The following APTX variants were observed in gnomAD, a reference collection of about 807,000 sequenced individuals.
The protein encoded by APTX is aprataxin, also known as forkhead-associated domain histidine triad-like protein.
APTX carries 33 observed loss-of-function variants against 42.3 expected under a neutral mutation model. That is an observed-to-expected ratio of 0.78 (90% CI 0.59 to 1.04). The LOEUF is 1.04. Ranked by LOEUF, APTX falls within the 50% of genes least tolerant of loss-of-function variation. The pLI, the probability that APTX is intolerant of heterozygous loss-of-function variation, is 0.00. For synonymous variants in APTX, 130 were observed against 146.7 expected, an observed-to-expected ratio of 0.89 and a Z score of 0.82; for missense variants, 421 against 415.1, an observed-to-expected ratio of 1.01 and a Z score of -0.12.
At chr9:33,004,629 C>CGTT (rs1563998723), upstream of APTX, among the ~76,000 whole-genome samples, 1 of 140,934 alleles carries the variant, frequency 7.1e-6, no homozygotes, top group African/African-American at 2.6e-5. Context: ...TCTTGCCAAC[C>CGTT]CTTTTTTTTT....
At chr9:33,019,542 G>C (rs533209896) in intron 1 of APTX, 24 of 328,668 alleles carry the variant, frequency 7.3e-5, no homozygotes, top group African/African-American at 4.7e-4. Context: ...AAGAACCAGA[G>C]AAAACAAGGG....
intron 1 of APTX, among the ~76,000 whole-genome samples, chr9:32,994,351 ATCTCAAGTCCCTC>A (rs1563980331): frequency 1.3e-5 from 2 of 152,122 alleles, no homozygotes; most frequent in Non-Finnish European, 2.9e-5. Context: ...GCCCTGATCC[ATCTCAAGTCCCTC>A]AGGCCTGAAG....
intron 1 of APTX, chr9:33,024,978 G>A (rs1038914676): frequency 2.4e-4 from 37 of 152,522 alleles, no homozygotes; most frequent in African/African-American, 8.4e-4. Context: ...CACCCCACAG[G>A]TTTGGGAACC....
chr9:32,992,196 A>G (rs17226410), intron 1 of APTX, among the ~76,000 whole-genome samples: 10,808 of 152,254 alleles, frequency 0.071, 514 homozygotes, highest in Non-Finnish European at 0.11. Flanking sequence ...AAGGCAGCAC[A>G]TATGCCCTCT....
chr9:33,015,650 C>T (rs559140218), intron 1 of APTX, among the ~76,000 whole-genome samples: 51 of 152,346 alleles, frequency 3.3e-4, no homozygotes, highest in Middle Eastern at 3.4e-3. Context: ...AGCCACCACG[C>T]CCGGCCTGTA....
chr9:32,978,051 T>A (rs2118435921), intron 6 of APTX, among the ~76,000 whole-genome samples: 1 of 152,302 alleles, frequency 6.6e-6, no homozygotes, highest in African/African-American at 2.4e-5. Flanking sequence ...GCATAACAAA[T>A]TTATTTAATC....
intron 1 of APTX, among the ~76,000 whole-genome samples, chr9:33,016,394 G>A (rs949736563): frequency 1.3e-5 from 2 of 152,198 alleles, no homozygotes; most frequent in East Asian, 3.9e-4. Context: ...TCAAGAAATA[G>A]GTCAGGATCT....
upstream of APTX, chr9:33,001,651 C>G (rs531225627): frequency 1.5e-4 from 241 of 1,610,708 alleles, no homozygotes; most frequent in Non-Finnish European, 1.9e-4. Context: ...CAGAGGCCGG[C>G]TGTATCGCGA....
intron 1 of APTX, among the ~76,000 whole-genome samples, chr9:33,023,072 G>A (rs1838522200): frequency 6.6e-6 from 1 of 152,092 alleles, no homozygotes; most frequent in African/African-American, 2.4e-5. Context: ...CAAGGGATCC[G>A]CCTGCCTTGG....
rs1284870793 is a variant in APTX, at chr9:32,973,617, T to C, written c.910A>G (p.Thr304Ala). ...AGCTCAGGCATCCCATCTCGGACAG[T>C]TACTCTACCAGCCTCTTGTACCATC... ...IEMVQEAGRV[T>A]VRDGMPELLK... The change falls in exon 8 of 8, where the codon ACT becomes GCT. Residue 304 changes from threonine to alanine, a missense_variant. Thr to Ala is a moderately conservative substitution (Grantham distance 58). Transcript: ENST00000379817. The C allele has an allele frequency of 1.9e-6, 3 of 1,613,468 alleles. No individual in the cohort carries two copies. The East Asian group carries it at 6.7e-5, about 36-fold the overall frequency.
chr9:32,988,686 G>GAAA (rs201425898), intron 2 of APTX, among the ~76,000 whole-genome samples: 2 of 70,866 alleles, frequency 2.8e-5, no homozygotes, highest in African/African-American at 5.8e-5. Flanking sequence ...ATCTCAGGAG[G>GAAA]AAAAAAAAAA....
intron 4 of APTX, chr9:32,986,231 G>C (rs1832095280): frequency 4.3e-6 from 3 of 703,358 alleles, no homozygotes; most frequent in Non-Finnish European, 7.7e-6. Context: ...CTTTTTTTTT[G>C]AGACAAAGTC....
At chr9:32,989,933 T>C (rs1266988082) in intron 1 of APTX, 38 bp from the exon 2 acceptor site, 1 of 1,598,442 alleles carries the variant, frequency 6.3e-7, no homozygotes, top group African/African-American at 1.3e-5. Context: ...GAAAAACAGA[T>C]CCACTAGCAC....
chr9:33,016,799 G>A (rs944808285), intron 1 of APTX, among the ~76,000 whole-genome samples: 3 of 152,132 alleles, frequency 2.0e-5, no homozygotes, highest in Non-Finnish European at 2.9e-5. Flanking sequence ...GGGCAGCCCA[G>A]GCAGGCAGAA....
chr9:33,017,460 T>C (rs1425095358), intron 1 of APTX, among the ~76,000 whole-genome samples: 1 of 144,808 alleles, frequency 6.9e-6, no homozygotes, highest in Non-Finnish European at 1.6e-5. Context: ...CAGAAGGGAC[T>C]CACAAGCTCT....
At position 32,987,604 on chromosome 9, in the gene APTX, C is replaced by T. The variant is rs766312381; in HGVS notation, c.423G>A (p.Gly141=). 8.7e-6 allele frequency: 14 copies of T among 1,614,172 alleles called. No homozygotes were observed. The South Asian group carries it at 1.5e-4, about 18-fold the overall frequency. The part of the protein sequence containing the change: ...EAEAGTGLEP[G]SNSGQCSVPL... ...GCACAGAGCATTGGCCAGAGTTGCT[C>T]CCAGGTTCCAGCCCTGTCCCAGCCT... Residue 141 remains glycine, a synonymous_variant, in exon 4 of 8, where the codon GGG becomes GGA. Coordinates refer to ENST00000379817, the MANE Select transcript of APTX (RefSeq NM_001195248.2).
rs771925873 is a variant in APTX, at chr9:32,986,035, AAAAAAAACAAAAAAAAAAAC to A, written c.484-25_484-6del. The A allele has an allele frequency of 0.057, 47,060 of 820,262 alleles. 150 individuals carry two copies. The highest frequency in any genetic ancestry group is 0.067 in the Non-Finnish European group (39,752 of 591,084). The allele number at this position is 820,262 out of a possible 1,614,324, so 50.8% of individuals were successfully genotyped here. ...ACTCCAGTGGCCCAGGGATTCCTAA[AAAAAAAACAAAAAAAAAAAC>A]AAAAAAAAAAAAAAACAAGCAATGT... On this transcript the variant is annotated splice_polypyrimidine_tract_variant and splice_region_variant and intron_variant, in intron 4 of 7. Coordinates refer to ENST00000379817, the MANE Select transcript of APTX (RefSeq NM_001195248.2).
intron 1 of APTX, among the ~76,000 whole-genome samples, chr9:33,022,483 A>C (rs976040734): frequency 1.2e-4 from 18 of 152,266 alleles, no homozygotes; most frequent in Non-Finnish European, 2.2e-4. Context: ...TACAATTTTA[A>C]ATCTACATTC....
intron 1 of APTX, among the ~76,000 whole-genome samples, chr9:33,021,217 A>C (rs989760477): frequency 1.2e-4 from 18 of 152,148 alleles, no homozygotes; most frequent in South Asian, 2.1e-4. Context: ...GCAACAACAA[A>C]AAATGCCTAG....
Sources: gnomAD v4.1 joint callset for allele counts (sites outside exome capture counted in the v4.1 genomes callset) on GRCh38, gnomAD v4.1.1 for gene constraint, MANE v1.5 for transcripts, NCBI Gene and HGNC (gene_info 2026-07-23, HGNC 2026-07-21) for gene names.